SNTG2: variants seen among roughly 807,000 people sequenced by gnomAD.
SNTG2 encodes syntrophin gamma 2.
SNTG2 carries 74 observed loss-of-function variants against 70.9 expected under a neutral mutation model. That is an observed-to-expected ratio of 1.04 (90% CI 0.86 to 1.27). The LOEUF is 1.27. Ranked by LOEUF, SNTG2 falls within the 50% of genes most tolerant of loss-of-function variation. SNTG2 has a pLI of 0.00. For synonymous variants in SNTG2, 278 were observed against 273.8 expected, an observed-to-expected ratio of 1.02 and a Z score of -0.15; for missense variants, 717 against 690.7, an observed-to-expected ratio of 1.04 and a Z score of -0.43.
chr2:1,235,521 C>A (rs1676579948), intron 9 of SNTG2, among the ~76,000 whole-genome samples: 1 of 66,782 alleles, frequency 1.5e-5, no homozygotes, highest in Non-Finnish European at 3.0e-5. Flanking sequence ...GGGGCCCCTG[C>A]CCCACGCTGC....
chr2:1,185,997 T>G (rs1672221809), intron 8 of SNTG2, among the ~76,000 whole-genome samples: 1 of 152,156 alleles, frequency 6.6e-6, no homozygotes, highest in Admixed American at 6.5e-5. Flanking sequence ...TTTTACATCA[T>G]TTTTTTGCAA....
intron 1 of SNTG2, among the ~76,000 whole-genome samples, chr2:965,561 T>C (rs926379030): frequency 2.0e-5 from 3 of 151,030 alleles, no homozygotes; most frequent in Admixed American, 6.6e-5. Flanking sequence ...CCTGGTCCTC[T>C]TCTGTGGTCC....
intron 9 of SNTG2, among the ~76,000 whole-genome samples, chr2:1,212,343 G>T (rs149406126): frequency 0.011 from 1,743 of 152,260 alleles, 9 homozygotes; most frequent in Non-Finnish European, 0.015. Flanking sequence ...ATGATTGGAA[G>T]TTTCCTGAGG....
At chr2:1,190,254 A>C (rs2147937367) in intron 8 of SNTG2, among the ~76,000 whole-genome samples, 1 of 152,052 alleles carries the variant, frequency 6.6e-6, no homozygotes, top group East Asian at 1.9e-4. Context: ...AAATGGTATA[A>C]TTATTTGTGT....
chr2:1,046,957 A>G (rs987983043), intron 1 of SNTG2, among the ~76,000 whole-genome samples: 3 of 152,060 alleles, frequency 2.0e-5, no homozygotes, highest in Non-Finnish European at 2.9e-5. Context: ...TATATTTTCA[A>G]AGTTGCTTGT....
At chr2:990,126 C>A (rs1661442386) in intron 1 of SNTG2, among the ~76,000 whole-genome samples, 2 of 152,250 alleles carry the variant, frequency 1.3e-5, no homozygotes, top group Admixed American at 6.5e-5. Flanking sequence ...TTGCTGCCAT[C>A]TTTTCCTTCT....
At chr2:1,067,546 C>T (rs1663237572) in intron 1 of SNTG2, among the ~76,000 whole-genome samples, 1 of 152,116 alleles carries the variant, frequency 6.6e-6, no homozygotes, top group African/African-American at 2.4e-5. Flanking sequence ...TCTTAAGCCT[C>T]TTTTTTAACC....
At chr2:1,351,803 C>T (rs1432869821) in intron 16 of SNTG2, among the ~76,000 whole-genome samples, 1 of 152,200 alleles carries the variant, frequency 6.6e-6, no homozygotes, top group African/African-American at 2.4e-5. Context: ...AACGCCAACC[C>T]CCATGGTGGA....
At chr2:1,236,078 A>C (rs939058081) in intron 9 of SNTG2, among the ~76,000 whole-genome samples, 27 of 152,210 alleles carry the variant, frequency 1.8e-4, no homozygotes, top group Non-Finnish European at 2.9e-4. Context: ...TTTATTAACC[A>C]CTAGATTAAG....
At chr2:1,044,293 G>A (rs1661604517) in intron 1 of SNTG2, among the ~76,000 whole-genome samples, 1 of 152,114 alleles carries the variant, frequency 6.6e-6, no homozygotes, top group Non-Finnish European at 1.5e-5. Context: ...CTCAGATCTA[G>A]GAGCCTTTGG....
Position 1,352,144 on chromosome 2 carries a change from C to G in SNTG2, c.1489-15199C>G, listed in dbSNP as rs534996195. On this transcript the variant is annotated intron_variant, in intron 16 of 16. Transcript: ENST00000308624. Reference sequence around the variant, plus strand: ...TGGTTCCTGCCTTTTTCTGGAACCTCTTCCACCCACACCATGCCCAACTGT... The same window carrying G: ...TGGTTCCTGCCTTTTTCTGGAACCTGTTCCACCCACACCATGCCCAACTGT... 3.0e-4 allele frequency among the ~76,000 whole-genome samples: 45 copies of G among 152,334 alleles called. 1 individual carries two copies. The South Asian group carries it at 8.9e-3, about 30-fold the overall frequency.
intron 14 of SNTG2, among the ~76,000 whole-genome samples, chr2:1,299,598 T>C (rs1680362958): frequency 6.6e-6 from 1 of 152,192 alleles, no homozygotes; most frequent in Admixed American, 6.5e-5. Flanking sequence ...GCAAAGAGCC[T>C]ACTTCCAAAT....
intron 6 of SNTG2, among the ~76,000 whole-genome samples, chr2:1,150,796 C>T (rs939931228): frequency 3.3e-5 from 5 of 152,122 alleles, no homozygotes; most frequent in Non-Finnish European, 7.4e-5. Flanking sequence ...CAGAAGTTGT[C>T]AAGGGAAGAC....
intron 9 of SNTG2, among the ~76,000 whole-genome samples, chr2:1,214,264 G>A (rs920136585): frequency 1.8e-4 from 28 of 152,108 alleles, no homozygotes; most frequent in African/African-American, 6.8e-4. Flanking sequence ...TTTTAGGATT[G>A]TGTTTTCTAT....
At chr2:1,083,914 G>T (rs1664511379) in intron 2 of SNTG2, among the ~76,000 whole-genome samples, 2 of 151,920 alleles carry the variant, frequency 1.3e-5, no homozygotes, top group Non-Finnish European at 2.9e-5. Flanking sequence ...CCTGGCGTGT[G>T]CCTGTAATCC....
chr2:1,315,571 G>A (rs1349506634), intron 15 of SNTG2, among the ~76,000 whole-genome samples: 1 of 151,946 alleles, frequency 6.6e-6, no homozygotes, highest in Non-Finnish European at 1.5e-5. Context: ...ATCTTTTATA[G>A]AAGACATCCA....
At position 1,089,184 on chromosome 2, in the gene SNTG2, C is replaced by T. The variant is rs75861531; in HGVS notation, c.210+5529C>T. On this transcript the variant is annotated intron_variant, in intron 2 of 16. Transcript: ENST00000308624. The stretch of plus-strand genomic sequence containing the variant: ...TATCTGTCATCACTTGGATAGTGGC[C>T]GACTCTTACAAAATTTACCTTCACC... Among the ~76,000 whole-genome samples, 28 of 152,200 alleles carry T rather than the reference C, an allele frequency of 1.8e-4. No individual in the cohort carries two copies. The East Asian group carries it at 4.6e-3, about 25-fold the overall frequency.
At chr2:1,079,148 C>T (rs552071416) in intron 1 of SNTG2, among the ~76,000 whole-genome samples, 6 of 152,310 alleles carry the variant, frequency 3.9e-5, no homozygotes, top group East Asian at 3.9e-4. Flanking sequence ...CAGGACCCAG[C>T]GGAACCCGCG....
chr2:1,172,407 C>T, intron 7 of SNTG2, among the ~76,000 whole-genome samples: 1 of 152,214 alleles, frequency 6.6e-6, no homozygotes, highest in Non-Finnish European at 1.5e-5. Flanking sequence ...GAGCTGCCCA[C>T]TCTTATAGTC....
Sources: allele counts gnomAD v4.1 joint callset (sites outside exome capture counted in the v4.1 genomes callset), GRCh38; gene constraint gnomAD v4.1.1; transcripts MANE v1.5; gene names NCBI Gene and HGNC (gene_info 2026-07-23, HGNC 2026-07-21).